VWA5B1: variants seen among roughly 807,000 people sequenced by gnomAD.
VWA5B1 encodes the protein von Willebrand factor A domain-containing protein 5B1.
VWA5B1 carries 115 observed loss-of-function variants against 118.2 expected under a neutral mutation model. The ratio of observed to expected loss-of-function variants is 0.97; its 90% confidence interval spans 0.84 to 1.14. The LOEUF (loss-of-function observed/expected upper bound fraction) is 1.14. Among genes scored for constraint, VWA5B1 ranks in the 50% most tolerant of loss-of-function variants. VWA5B1 has a pLI of 0.00. For synonymous variants in VWA5B1, 682 were observed against 658.4 expected, an observed-to-expected ratio of 1.04 and a Z score of -0.55; for missense variants, 1,596 against 1,603.8, an observed-to-expected ratio of 1.00 and a Z score of 0.08.
At chr1:20,352,884 G>A (rs1490920855) in intron 21 of VWA5B1, among the ~76,000 whole-genome samples, 2 of 152,186 alleles carry the variant, frequency 1.3e-5, no homozygotes, top group East Asian at 3.8e-4. Context: ...GCTAGACCCT[G>A]GAGAGACAAC....
chr1:20,342,670 C>T (rs769914333), intron 15 of VWA5B1, 61 bp downstream of exon 15: 46 of 1,437,306 alleles, frequency 3.2e-5, no homozygotes, highest in African/African-American at 1.9e-4. Context: ...GGCTGTTGTT[C>T]AACTTCAGAT....
chr1:20,294,840 C>T (rs1379311936), intron 1 of VWA5B1, among the ~76,000 whole-genome samples: 1 of 152,246 alleles, frequency 6.6e-6, no homozygotes, highest in Non-Finnish European at 1.5e-5. Flanking sequence ...CTGCCCGCCT[C>T]AGCCTCCCAA....
At chr1:20,316,896 C>A (rs2089026325) in intron 4 of VWA5B1, among the ~76,000 whole-genome samples, 1 of 152,000 alleles carries the variant, frequency 6.6e-6, no homozygotes, top group Non-Finnish European at 1.5e-5. Flanking sequence ...CAGGACTCTG[C>A]CAAATCTTAA....
At chr1:20,352,927 T>C (rs930292511) in intron 21 of VWA5B1, among the ~76,000 whole-genome samples, 1 of 152,214 alleles carries the variant, frequency 6.6e-6, no homozygotes, top group Non-Finnish European at 1.5e-5. Flanking sequence ...TCTGCACTTA[T>C]GGTGCTAAGT....
At position 20,330,893 on chromosome 1, in the gene VWA5B1, C is replaced by T; in HGVS notation, c.1482C>T (p.Pro494=). The change falls in exon 11 of 22, where the codon CCC becomes CCT. Residue 494 remains proline, a synonymous_variant. Transcript: ENST00000289815. ...GGTGCTATAGCTTTGGAATTGGACC[C>T]AACGTCTGCCACAGACTGGTGAAAG... The part of the protein sequence containing the change: ...STRCYSFGIG[P]NVCHRLVKGL... 6.4e-7 allele frequency: 1 copy of T among 1,551,768 alleles called. No homozygotes were observed. The highest frequency in any genetic ancestry group is 8.7e-7 in the Non-Finnish European group (1 of 1,147,018).
At chr1:20,344,750 T>C (rs2089972297) in intron 16 of VWA5B1, among the ~76,000 whole-genome samples, 1 of 152,210 alleles carries the variant, frequency 6.6e-6, no homozygotes, top group African/African-American at 2.4e-5. Flanking sequence ...GTAATAATAT[T>C]ATTTTGTTTA....
intron 1 of VWA5B1, among the ~76,000 whole-genome samples, chr1:20,306,251 C>T (rs934150904): frequency 9.9e-5 from 15 of 151,712 alleles, no homozygotes; most frequent in Admixed American, 5.9e-4. Context: ...GGTGAGGGAG[C>T]GAGCCATGAG....
In VWA5B1 at chr1:20,357,199, A is replaced by T. The variant is rs559797732; in HGVS notation, c.*2936A>T. Among the ~76,000 whole-genome samples, 1 of 152,328 alleles carries T rather than the reference A, an allele frequency of 6.6e-6. No individual in the cohort carries two copies. The highest frequency in any genetic ancestry group is 1.9e-4 in the East Asian group (1 of 5,188). On this transcript the variant is annotated 3_prime_UTR_variant, in exon 22 of 22. Coordinates refer to ENST00000289815, the MANE Select transcript of VWA5B1 (RefSeq NM_001039500.3). ...GAGCTGAGAGTTGAGGAACCCAAGC[A>T]TGGGTCCCAACTCCACCACTAGTGT...
At chr1:20,306,240 G>A (rs934789595) in intron 1 of VWA5B1, among the ~76,000 whole-genome samples, 1 of 152,130 alleles carries the variant, frequency 6.6e-6, no homozygotes, top group Non-Finnish European at 1.5e-5. Context: ...AGACGTGAAG[G>A]GGTGAGGGAG....
chr1:20,353,837 C>A lies in VWA5B1; in HGVS notation c.3222C>A (p.Leu1074=). Residue 1074 remains leucine, a synonymous_variant, in exon 22 of 22, where the codon CTC becomes CTA. Coordinates refer to ENST00000289815, the MANE Select transcript of VWA5B1 (RefSeq NM_001039500.3). ...CCACGCACATCCCCATGGAGAAGCT[C>A]AAGTGGACGTCCCCCTTCACCTGCC... ...CEATHIPMEK[L]KWTSPFTCHR... 1 of 1,526,974 alleles carries A rather than the reference C, an allele frequency of 6.5e-7. No individual in the cohort carries two copies. The highest frequency in any genetic ancestry group is 8.8e-7 in the Non-Finnish European group (1 of 1,135,042). The allele number at this position is 1,526,974 out of a possible 1,614,324, so 94.6% of individuals were successfully genotyped here.
intron 4 of VWA5B1, among the ~76,000 whole-genome samples, chr1:20,316,305 A>C (rs2089005673): frequency 1.3e-5 from 2 of 152,150 alleles, no homozygotes; most frequent in African/African-American, 4.8e-5. Flanking sequence ...AGGGATATTC[A>C]TGGTGGCGTT....
intron 1 of VWA5B1, among the ~76,000 whole-genome samples, chr1:20,299,027 C>T (rs570108637): frequency 1.3e-5 from 2 of 152,226 alleles, no homozygotes; most frequent in South Asian, 2.1e-4. Context: ...TATGTTCACT[C>T]AGATCACCCT....
intron 1 of VWA5B1, among the ~76,000 whole-genome samples, chr1:20,302,200 A>G (rs1570048991): frequency 6.6e-6 from 1 of 152,040 alleles, no homozygotes; most frequent in East Asian, 1.9e-4. Flanking sequence ...GACATAAAGC[A>G]CCGAGAAGCC....
intron 12 of VWA5B1, among the ~76,000 whole-genome samples, chr1:20,335,393 T>C (rs1404231603): frequency 6.6e-6 from 1 of 152,134 alleles, no homozygotes. Flanking sequence ...TACTGATAAG[T>C]GTGAGCAGTA....
At position 20,342,497 on chromosome 1, in the gene VWA5B1, G is replaced by A. The variant is rs1441001296; in HGVS notation, c.2199G>A (p.Arg733=). 8 of 1,551,088 alleles carry A rather than the reference G, an allele frequency of 5.2e-6. No individual in the cohort carries two copies. The highest frequency in any genetic ancestry group is 4.1e-5 in the African/African-American group (3 of 73,032). The change falls in exon 15 of 22, where the codon AGG becomes AGA. Residue 733 remains arginine, a synonymous_variant. Transcript: ENST00000289815. ...GPKLRGPGAR[R]PSLLPQGCQP... is the part of the protein sequence containing the mutation. ...AACTCCGTGGCCCAGGGGCCCGAAG[G>A]CCCTCTCTGCTGCCCCAAGGCTGCC...
chr1:20,345,569 A>G lies in VWA5B1; in HGVS notation c.2740A>G (p.Thr914Ala), dbSNP rs1273215306. Residue 914 changes from threonine to alanine, a missense_variant, in exon 17 of 22, where the codon ACC becomes GCC. Thr to Ala is a moderately conservative substitution (Grantham distance 58, BLOSUM62 0). Transcript: ENST00000289815. ...VDVSKSRYLPTVVEYPNSGAA... is the reference protein window; with the variant it reads ...VDVSKSRYLPAVVEYPNSGAA... ...CGTGAGCAAGAGCCGGTACCTGCCC[A>G]CCGTGGTGGAGTACCCCAACTCTGG... 6 of 1,550,326 alleles carry G rather than the reference A, an allele frequency of 3.9e-6. No homozygotes were observed. In the East Asian group the frequency reaches 1.5e-4, roughly 38 times the overall value.
At chr1:20,294,467 T>TTTTA (rs34758007) in intron 1 of VWA5B1, 33,727 of 151,182 alleles carry the variant, frequency 0.22, 4,236 homozygotes, top group East Asian at 0.38. Context: ...ACCCATGGGG[T>TTTTA]TTTATTTATT....
chr1:20,325,398 G>T (rs916904800), intron 8 of VWA5B1, among the ~76,000 whole-genome samples: 2 of 152,130 alleles, frequency 1.3e-5, no homozygotes, highest in South Asian at 4.1e-4. Context: ...ATCAATTCAG[G>T]CAGAGTGAAC....
intron 16 of VWA5B1, among the ~76,000 whole-genome samples, chr1:20,344,277 T>A (rs944607142): frequency 1.6e-4 from 24 of 152,084 alleles, no homozygotes; most frequent in Admixed American, 1.3e-4. Flanking sequence ...GCGGCCCCTG[T>A]CTCTCCAGAG....
Sources: allele counts gnomAD v4.1 joint callset (sites outside exome capture counted in the v4.1 genomes callset), GRCh38; gene constraint gnomAD v4.1.1; transcripts MANE v1.5; gene names NCBI Gene and HGNC (gene_info 2026-07-23, HGNC 2026-07-21).